Variants in TMEM87A observed in about 807,000 individuals in gnomAD.
The protein encoded by TMEM87A is transmembrane protein 87A.
TMEM87A carries 50 observed loss-of-function variants against 90.0 expected under a neutral mutation model. The ratio of observed to expected loss-of-function variants is 0.56; its 90% confidence interval spans 0.44 to 0.70. TMEM87A has a LOEUF of 0.70. Ranked by LOEUF, TMEM87A falls within the 30% of genes least tolerant of loss-of-function variation. The pLI is 0.00. For synonymous variants in TMEM87A, 226 were observed against 226.7 expected, an observed-to-expected ratio of 1.00 and a Z score of 0.03; for missense variants, 577 against 660.5, an observed-to-expected ratio of 0.87 and a Z score of 1.39.
Position 42,268,026 on chromosome 15 carries a change from C to G in TMEM87A, c.212G>C (p.Gly71Ala). 1.2e-6 allele frequency: 2 copies of G among 1,611,336 alleles called. No individual in the cohort carries two copies. Among genetic ancestry groups the G allele is most frequent in the Non-Finnish European group, 1.7e-6 (2 of 1,178,658 alleles). The stretch of plus-strand genomic sequence containing the variant: ...ATTCAAAGACAGGTCACAAGGTTCT[C>G]CATCAACTACAAAAGAAGAAATCTT... ...RNTTIFLKFD[G>A]EPCDLSLNIT... Residue 71 changes from glycine to alanine, a missense_variant, in exon 3 of 20, where the codon GGA becomes GCA. Gly to Ala is a moderately conservative substitution (Grantham distance 60). Transcript: ENST00000389834.
intron 7 of TMEM87A, 111 bp from the exon 8 acceptor site, chr15:42,239,842 T>C: frequency 1.1e-6 from 1 of 898,672 alleles, no homozygotes; most frequent in Non-Finnish European, 1.9e-6. Context: ...GTCATTTACT[T>C]TTAGGCACTT....
At chr15:42,260,742 CAT>C (rs2051271374) in intron 6 of TMEM87A, among the ~76,000 whole-genome samples, 1 of 152,102 alleles carries the variant, frequency 6.6e-6, no homozygotes, top group Non-Finnish European at 1.5e-5. Flanking sequence ...AAAAGCAATA[CAT>C]GTGTACAGTA....
At chr15:42,238,003 ATATGTG>A (rs1247514306) in intron 8 of TMEM87A, among the ~76,000 whole-genome samples, 3,017 of 150,794 alleles carry the variant, frequency 0.02, 79 homozygotes, top group African/African-American at 0.057. Context: ...GTATATATAT[ATATGTG>A]TGTGTGTGTG....
At position 42,232,961 on chromosome 15, in the gene TMEM87A, T is replaced by C; in HGVS notation, c.1062+252A>G. 2 of 262,272 alleles carry C rather than the reference T, an allele frequency of 7.6e-6. 1 individual carries two copies. Among genetic ancestry groups the C allele is most frequent in the Non-Finnish European group, 1.4e-5 (2 of 139,300 alleles). 16.2% of individuals were successfully genotyped at this position (262,272 alleles called of 1,614,324 possible). ...AGAAAAAAAAATGCAAGTCTACTGC[T>C]TGGGAGGAGGAACTAAAACAATTAG... On this transcript the variant is annotated intron_variant, in intron 11 of 19. Transcript: ENST00000389834.
At chr15:42,226,102 C>A (rs931043221) in intron 15 of TMEM87A, among the ~76,000 whole-genome samples, 3 of 151,930 alleles carry the variant, frequency 2.0e-5, no homozygotes. Flanking sequence ...CAGGTTCAAG[C>A]GATTCTCCTG....
intron 3 of TMEM87A, among the ~76,000 whole-genome samples, chr15:42,266,554 C>G (rs560183618): frequency 6.6e-6 from 1 of 151,842 alleles, no homozygotes; most frequent in Non-Finnish European, 1.5e-5. Flanking sequence ...TAATAGTATG[C>G]TATTTGACTT....
intron 2 of TMEM87A, among the ~76,000 whole-genome samples, chr15:42,270,315 A>G (rs2051494671): frequency 6.6e-6 from 1 of 152,256 alleles, no homozygotes; most frequent in South Asian, 2.1e-4. Context: ...GGTTACAGTG[A>G]GCCGAGATCG....
intron 15 of TMEM87A, among the ~76,000 whole-genome samples, chr15:42,222,727 T>C (rs1484182460): frequency 6.6e-6 from 1 of 151,838 alleles, no homozygotes; most frequent in Non-Finnish European, 1.5e-5. Flanking sequence ...CCTGGCTAAT[T>C]GTTGTTATTT....
intron 2 of TMEM87A, among the ~76,000 whole-genome samples, chr15:42,268,904 C>T (rs2051458164): frequency 1.3e-5 from 2 of 152,114 alleles, no homozygotes; most frequent in South Asian, 4.1e-4. Context: ...AGCAAAATTG[C>T]TATCTCAGAC....
chr15:42,260,354 AGAGT>A (rs1191848199), intron 6 of TMEM87A, among the ~76,000 whole-genome samples: 1 of 152,234 alleles, frequency 6.6e-6, no homozygotes, highest in Non-Finnish European at 1.5e-5. Context: ...AGCATGGGCA[AGAGT>A]GAGACCTTGT....
At chr15:42,226,710 A>T in intron 15 of TMEM87A, 96 bp downstream of exon 15, 1 of 1,024,906 alleles carries the variant, frequency 9.8e-7, no homozygotes, top group Non-Finnish European at 1.5e-6. Context: ...TCCTTCCACT[A>T]TATGACACAG....
chr15:42,257,164 C>T (rs1019982841), intron 6 of TMEM87A, among the ~76,000 whole-genome samples: 2 of 152,088 alleles, frequency 1.3e-5, no homozygotes, highest in East Asian at 3.8e-4. Context: ...TCTGTCCTCC[C>T]AAATTTCATA....
Position 42,236,414 on chromosome 15 carries a change from C to A in TMEM87A, c.874G>T (p.Gly292Cys). The change falls in exon 10 of 20, where the codon GGT becomes TGT. Residue 292 changes from glycine (G) to cysteine (C), a missense_variant. Coordinates refer to ENST00000389834, the MANE Select transcript of TMEM87A (RefSeq NM_015497.5). ...AGCAGCTCTGCAAGGATCAAAGCACCCTGGACTATGAAAAAGAAGGGAAGA... is the reference window on the plus strand; with the variant it reads ...AGCAGCTCTGCAAGGATCAAAGCACACTGGACTATGAAAAAGAAGGGAAGA... The part of the protein sequence containing the change: ...NIRYKGESVQ[G>C]ALILAELLSA... The A allele has an allele frequency of 6.2e-7, 1 of 1,613,890 alleles. No individual in the cohort carries two copies. The highest frequency in any genetic ancestry group is 1.7e-5 in the Admixed American group (1 of 60,012).
In TMEM87A at chr15:42,221,265, C is replaced by CAGACAGAGAGAG. The variant is rs1491577357; in HGVS notation, c.1404-1131_1404-1130insCTCTCTCTGTCT. Reference sequence around the variant, plus strand: ...CTCCGTCAAGAAAAGAAAGGAGAGACAGAGACAGAGAGAGAGAGAGAGAGA... The same window carrying CAGACAGAGAGAG: ...CTCCGTCAAGAAAAGAAAGGAGAGACAGACAGAGAGAGAGAGACAGAGAGAGAGAGAGAGAGA... On this transcript the variant is annotated intron_variant, in intron 15 of 19. Coordinates refer to ENST00000389834, the MANE Select transcript of TMEM87A (RefSeq NM_015497.5). 2.2e-4 allele frequency among the ~76,000 whole-genome samples: 32 copies of CAGACAGAGAGAG among 146,462 alleles called. No individual in the cohort carries two copies. The East Asian group carries it at 2.6e-3, about 12-fold the overall frequency.
At position 42,272,856 on chromosome 15, in the gene TMEM87A, A is replaced by AAAAG. The variant is rs369757149; in HGVS notation, c.144+395_144+398dup. 1.1e-5 allele frequency: 5 copies of AAAAG among 442,998 alleles called. No individual in the cohort carries two copies. In the Admixed American group the frequency reaches 1.3e-4, roughly 12 times the overall value. 27.4% of individuals were successfully genotyped at this position (442,998 alleles called of 1,614,324 possible). ...AGGGACCAAGAAGTGCAGAGGAAGA[A>AAAAG]AAAGAAAGAAAGAAATGAAGACTCC... is the stretch of plus-strand genomic sequence containing the variant. On this transcript the variant is annotated intron_variant, in intron 1 of 19. Transcript: ENST00000389834.
chr15:42,246,561 T>A (rs1164834465), intron 6 of TMEM87A, among the ~76,000 whole-genome samples: 1 of 152,078 alleles, frequency 6.6e-6, no homozygotes, highest in Non-Finnish European at 1.5e-5. Flanking sequence ...TTTTCTGTCC[T>A]CGAGAGTTTG....
At chr15:42,265,058 A>T (rs2051375661) in intron 3 of TMEM87A, among the ~76,000 whole-genome samples, 2 of 152,196 alleles carry the variant, frequency 1.3e-5, no homozygotes, top group South Asian at 4.1e-4. Context: ...TTGCATATGT[A>T]TCACATTCTT....
chr15:42,257,122 A>C (rs941352990), intron 6 of TMEM87A, among the ~76,000 whole-genome samples: 2 of 152,138 alleles, frequency 1.3e-5, no homozygotes, highest in Non-Finnish European at 2.9e-5. Flanking sequence ...TTTTGTGAGG[A>C]AAGATGGAAA....
chr15:42,238,800 A>T (rs1250141603), intron 8 of TMEM87A, among the ~76,000 whole-genome samples: 5 of 150,220 alleles, frequency 3.3e-5, no homozygotes, highest in Non-Finnish European at 7.4e-5. Context: ...CACGATCTAA[A>T]ATTATATAGA....
Sources: gnomAD v4.1 joint callset for allele counts (sites outside exome capture counted in the v4.1 genomes callset) on GRCh38, gnomAD v4.1.1 for gene constraint, MANE v1.5 for transcripts, NCBI Gene and HGNC (gene_info 2026-07-23, HGNC 2026-07-21) for gene names.